Variants in SLCO3A1 observed in about 807,000 individuals in gnomAD.
SLCO3A1 encodes PGE1 transporter.
SLCO3A1 carries 27 observed loss-of-function variants against 63.1 expected under a neutral mutation model. The observed-to-expected ratio is 0.43, with a 90% CI of 0.32 to 0.59. SLCO3A1 has a LOEUF of 0.59. Ranked by LOEUF, SLCO3A1 falls within the 20% of genes least tolerant of loss-of-function variation. The probability of loss-of-function intolerance (pLI) is 0.09; values close to 1 mark genes in which losing one functional copy is unlikely to be tolerated. For synonymous variants in SLCO3A1, 473 were observed against 409.9 expected, an observed-to-expected ratio of 1.15 and a Z score of -1.86; for missense variants, 773 against 945.8, an observed-to-expected ratio of 0.82 and a Z score of 2.40.
intron 2 of SLCO3A1, among the ~76,000 whole-genome samples, chr15:91,959,930 A>G (rs1379027018): frequency 6.6e-6 from 1 of 151,940 alleles, no homozygotes; most frequent in African/African-American, 2.4e-5. Context: ...TTCTGTGTCT[A>G]TTTGATTTGC....
intron 2 of SLCO3A1, among the ~76,000 whole-genome samples, chr15:91,999,277 A>G (rs1032773900): frequency 2.6e-5 from 4 of 152,234 alleles, no homozygotes; most frequent in Admixed American, 2.6e-4. Flanking sequence ...TCCTGAATCT[A>G]AAATAAAAAT....
chr15:92,032,875 C>T (rs965060682), intron 2 of SLCO3A1, among the ~76,000 whole-genome samples: 1 of 126,092 alleles, frequency 7.9e-6, no homozygotes, highest in Non-Finnish European at 1.5e-5. Flanking sequence ...TCTGAAATTT[C>T]AAGTCCATAC....
chr15:91,989,820 G>A (rs1194098557), intron 2 of SLCO3A1, among the ~76,000 whole-genome samples: 1 of 152,210 alleles, frequency 6.6e-6, no homozygotes, highest in Non-Finnish European at 1.5e-5. Context: ...TAGTCACAGT[G>A]ATAGATTATC....
intron 10 of SLCO3A1, chr15:92,171,146 T>C (rs923514160): frequency 1.3e-5 from 2 of 152,232 alleles, no homozygotes; most frequent in Non-Finnish European, 2.9e-5. Context: ...GAGCTGCATG[T>C]CACAATCAAT....
chr15:91,957,086 A>ATATATAT (rs1900244440), intron 2 of SLCO3A1, among the ~76,000 whole-genome samples: 66 of 532 alleles, frequency 0.12, 24 homozygotes, highest in South Asian at 0.36. Flanking sequence ...ACTATATAGT[A>ATATATAT]TATATAATAT....
intron 2 of SLCO3A1, among the ~76,000 whole-genome samples, chr15:91,938,125 T>G (rs1250027031): frequency 6.6e-6 from 1 of 152,204 alleles, no homozygotes; most frequent in Non-Finnish European, 1.5e-5. Flanking sequence ...TGGAGATGAA[T>G]TCAAATGCCA....
chr15:92,091,196 A>G (rs761345787), intron 2 of SLCO3A1, among the ~76,000 whole-genome samples: 1 of 152,028 alleles, frequency 6.6e-6, no homozygotes. Flanking sequence ...CTTCCAGGAG[A>G]TCAGGCATGT....
chr15:92,146,495 G>T (rs529075975), intron 7 of SLCO3A1, among the ~76,000 whole-genome samples: 2 of 152,204 alleles, frequency 1.3e-5, no homozygotes, highest in Non-Finnish European at 2.9e-5. Flanking sequence ...GACTTCACGC[G>T]TGACAGCGTG....
At chr15:92,100,289 A>G (rs770234307) in intron 3 of SLCO3A1, among the ~76,000 whole-genome samples, 3 of 152,092 alleles carry the variant, frequency 2.0e-5, no homozygotes, top group African/African-American at 7.2e-5. Context: ...ATCTGTTCTC[A>G]TCATCTGGAA....
At chr15:92,002,002 G>A (rs77362544) in intron 2 of SLCO3A1, among the ~76,000 whole-genome samples, 1 of 152,024 alleles carries the variant, frequency 6.6e-6, no homozygotes, top group Non-Finnish European at 1.5e-5. Flanking sequence ...AGGATCATTA[G>A]AGCCTCCTCT....
chr15:92,084,087 G>T (rs1160900915), intron 2 of SLCO3A1, among the ~76,000 whole-genome samples: 6 of 152,278 alleles, frequency 3.9e-5, no homozygotes, highest in South Asian at 2.1e-4. Flanking sequence ...AAGGGGTTTT[G>T]TTTGTAAATT....
intron 2 of SLCO3A1, among the ~76,000 whole-genome samples, chr15:91,989,147 T>C (rs74028402): frequency 0.12 from 18,469 of 152,244 alleles, 1,170 homozygotes; most frequent in East Asian, 0.17. Context: ...CCACTGTGCC[T>C]TCGCATAAGT....
intron 2 of SLCO3A1, among the ~76,000 whole-genome samples, chr15:92,087,513 A>AT (rs1454617874): frequency 1.2e-4 from 16 of 136,604 alleles, no homozygotes; most frequent in African/African-American, 3.8e-4. Flanking sequence ...TTTATTATCT[A>AT]TTATTTTTTT....
At chr15:91,952,487 T>C (rs1007717775) in intron 2 of SLCO3A1, among the ~76,000 whole-genome samples, 13 of 152,250 alleles carry the variant, frequency 8.5e-5, no homozygotes, top group Non-Finnish European at 8.8e-5. Context: ...AATGAATGTT[T>C]CTGTTTGCCA....
At chr15:92,111,386 A>G (rs1236882975) in intron 4 of SLCO3A1, among the ~76,000 whole-genome samples, 1 of 151,980 alleles carries the variant, frequency 6.6e-6, no homozygotes, top group Non-Finnish European at 1.5e-5. Context: ...CCAGCTGAGC[A>G]CTTTTTTTTA....
intron 2 of SLCO3A1, among the ~76,000 whole-genome samples, chr15:92,030,806 C>T (rs73536113): frequency 0.047 from 7,128 of 152,194 alleles, 575 homozygotes; most frequent in African/African-American, 0.16. Context: ...ATTCTAAGTA[C>T]ACCGGTGAGT....
intron 2 of SLCO3A1, among the ~76,000 whole-genome samples, chr15:92,092,568 G>T (rs1256855861): frequency 1.3e-5 from 2 of 152,048 alleles, no homozygotes; most frequent in East Asian, 1.9e-4. Context: ...TGGATGGGAG[G>T]ATATGACTGG....
chr15:92,141,733 A>G (rs766150534), intron 7 of SLCO3A1, among the ~76,000 whole-genome samples: 4 of 152,134 alleles, frequency 2.6e-5, no homozygotes, highest in East Asian at 3.9e-4. Context: ...AGTTCTTCCT[A>G]CCACACTCGG....
Position 91,872,424 on chromosome 15 carries a change from C to T in SLCO3A1, c.180+18336C>T, listed in dbSNP as rs756602666. 3.4e-4 allele frequency among the ~76,000 whole-genome samples: 51 copies of T among 151,862 alleles called. No individual in the cohort carries two copies. Among genetic ancestry groups the T allele is most frequent in the Admixed American group, 5.9e-4 (9 of 15,244 alleles). Reference sequence around the variant, plus strand: ...GCAGTTGCCTGTAATCCCAGCTACTCGGCGGGCTGAGGTAGGAGAATCACT... The same window carrying T: ...GCAGTTGCCTGTAATCCCAGCTACTTGGCGGGCTGAGGTAGGAGAATCACT... On this transcript the variant is annotated intron_variant, in intron 1 of 9. Coordinates refer to ENST00000318445, the MANE Select transcript of SLCO3A1 (RefSeq NM_013272.4). The surrounding 1 kb of genome is among the most constrained non-coding windows in gnomAD (Gnocchi z 4.1).
Sources: allele counts gnomAD v4.1 joint callset (sites outside exome capture counted in the v4.1 genomes callset), GRCh38; gene constraint gnomAD v4.1.1; non-coding constraint Gnocchi (gnomAD v3.1); transcripts MANE v1.5; gene names NCBI Gene and HGNC (gene_info 2026-07-23, HGNC 2026-07-21).